Variants in PHB2 observed in about 807,000 individuals in gnomAD.
The protein encoded by PHB2 is prohibitin 2.
In PHB2, 22 loss-of-function variants were observed where a neutral mutation model predicts 46.4. The ratio of observed to expected loss-of-function variants is 0.47; its 90% CI spans 0.34 to 0.68. PHB2 has a LOEUF of 0.68. Ranked by LOEUF, PHB2 falls within the 30% of genes least tolerant of loss-of-function variation. PHB2 has a pLI of 0.01. For synonymous variants in PHB2, 156 were observed against 150.5 expected, an observed-to-expected ratio of 1.04 and a Z score of -0.27; for missense variants, 305 against 382.8, an observed-to-expected ratio of 0.80 and a Z score of 1.70.
chr12:6,969,836 T>C (rs1187316943), intron 2 of PHB2: 87 of 511,588 alleles, frequency 1.7e-4, no homozygotes, highest in African/African-American at 3.9e-4. Flanking sequence ...GAGGCGGAGG[T>C]TGCAGTGAGC....
In PHB2 at chr12:6,967,090, A is replaced by C; in HGVS notation, c.789+81T>G. On this transcript the variant is annotated intron_variant, in intron 7 of 9. Transcript: ENST00000535923. The surrounding 1 kb of genome is among the most constrained non-coding windows in gnomAD (Gnocchi z 4.9). ...TAGAAACCGGAACAAGCAAGGTTCG[A>C]ATTCCCTCACCTCAATGTGCCTTAA... The C allele has an allele frequency of 8.5e-7, 1 of 1,170,060 alleles. No homozygotes were observed. Among genetic ancestry groups the C allele is most frequent in the Non-Finnish European group, 1.2e-6 (1 of 803,150 alleles). 72.5% of individuals were successfully genotyped at this position (1,170,060 alleles called of 1,614,324 possible). A position where few individuals can be genotyped will look rare whatever the true frequency, so the allele number is the denominator to read the frequency against.
intron 2 of PHB2, 106 bp downstream of exon 2, chr12:6,970,090 G>A (rs1946294170): frequency 1.2e-6 from 1 of 866,054 alleles, no homozygotes. Flanking sequence ...GATGAGGAGG[G>A]TGGGAAAAGA....
At chr12:6,968,643 C>T (rs782414137) in intron 3 of PHB2, 48 bp from the exon 4 acceptor site, 1 of 1,470,922 alleles carries the variant, frequency 6.8e-7, no homozygotes, top group African/African-American at 1.4e-5. Flanking sequence ...CACCCTTTCC[C>T]AAGCATTTTC....
In PHB2 at chr12:6,967,480, T is replaced by C; in HGVS notation, c.711+196A>G. The C allele has an allele frequency of 1.0e-6, 1 of 988,460 alleles. No homozygotes were observed. Among genetic ancestry groups the C allele is most frequent in the Non-Finnish European group, 1.6e-6 (1 of 621,384 alleles). 61.2% of individuals were successfully genotyped at this position (988,460 alleles called of 1,614,324 possible). A position where few individuals can be genotyped will look rare whatever the true frequency, so the allele number is the denominator to read the frequency against. ...GCCACCAATGCTATTGATCTGGCCT[T>C]ACAGTGGGGAGTCATGGCTCAGGTA... On this transcript the variant is annotated intron_variant, in intron 6 of 9. Transcript: ENST00000535923. This position sits in a 1 kb window ranked among gnomAD's most constrained non-coding sequence, Gnocchi z 4.9.
chr12:6,970,036 A>G lies in PHB2; in HGVS notation c.212+160T>C, dbSNP rs1555151717. The G allele has an allele frequency of 5.6e-6, 4 of 712,402 alleles. No homozygotes were observed. In the African/African-American group the frequency reaches 7.0e-5, roughly 12 times the overall value. The allele number at this position is 712,402 out of a possible 1,614,324, so 44.1% of individuals were successfully genotyped here. ...GTCCCTCTGGAAAACAACAGTTTGT[A>G]TGCTGCTGGAGGTTCTCGCAGCACC... On this transcript the variant is annotated intron_variant, in intron 2 of 9. Coordinates refer to ENST00000535923, the MANE Select transcript of PHB2 (RefSeq NM_001144831.2).
chr12:6,968,523 T>C lies in PHB2; in HGVS notation c.365A>G (p.Gln122Arg). 1 of 1,613,490 alleles carries C rather than the reference T, an allele frequency of 6.2e-7. No homozygotes were observed. The highest frequency in any genetic ancestry group is 1.3e-5 in the African/African-American group (1 of 75,026). Residue 122 changes from glutamine (Q) to arginine (R), a missense_variant, in exon 4 of 10, where the codon CAG (glutamine) becomes CGG (arginine). Transcript: ENST00000535923. ...PNAQELPSMY[Q>R]RLGLDYEERV... Reference sequence around the variant, plus strand: ...TTCCTCGTAGTCCAGCCCTAGGCGCTGGTACATGCTAGGAAGCTCCTGAGC... The same window carrying C: ...TTCCTCGTAGTCCAGCCCTAGGCGCCGGTACATGCTAGGAAGCTCCTGAGC...
At chr12:6,969,439 T>C in intron 3 of PHB2, 59 bp downstream of exon 3, 1 of 913,274 alleles carries the variant, frequency 1.1e-6, no homozygotes, top group Non-Finnish European at 1.7e-6. Flanking sequence ...CCCTGGGGTT[T>C]CTTGCCAGCT....
At chr12:6,970,339 G>A (rs1198415448) in intron 1 of PHB2, 59 bp from the exon 2 acceptor site, 17 of 1,603,990 alleles carry the variant, frequency 1.1e-5, no homozygotes, top group Non-Finnish European at 1.4e-5. Context: ...TGCTAGGCCC[G>A]TGGAGGGGCG....
At position 6,967,171 on chromosome 12, in the gene PHB2, C is replaced by T. The variant is rs1555150897; in HGVS notation, c.789G>A (p.Thr263=). 8 of 1,567,428 alleles carry T rather than the reference C, an allele frequency of 5.1e-6. No homozygotes were observed. The highest frequency in any genetic ancestry group is 1.9e-5 in the Admixed American group (1 of 52,630). ...AGAGACGCTGGGCTGACACACTCAC[C>T]GTCTTGGAGATATTCTGGGCTGCTC... ...KIRAAQNISK[T]IATSQNRIYL... is the part of the protein sequence containing the mutation. The change falls in exon 7 of 10, where the codon ACG becomes ACA. Residue 263 remains threonine, a splice_region_variant and synonymous_variant. Transcript: ENST00000535923. This position sits in a 1 kb window ranked among gnomAD's most constrained non-coding sequence, Gnocchi z 4.9.
At chr12:6,965,764 G>A (rs1428821257) in intron 9 of PHB2, 52 bp from the exon 10 acceptor site, 2 of 1,567,228 alleles carry the variant, frequency 1.3e-6, no homozygotes, top group Non-Finnish European at 1.8e-6. Context: ...ATAAATGTGA[G>A]AGGCAGGACA....
In PHB2 at chr12:6,967,411, G is replaced by A. The variant is rs1555150989; in HGVS notation, c.712-163C>T. The A allele has an allele frequency of 6.6e-7, 1 of 1,523,106 alleles. No individual in the cohort carries two copies. Among genetic ancestry groups the A allele is most frequent in the Non-Finnish European group, 9.1e-7 (1 of 1,103,176 alleles). 94.3% of individuals were successfully genotyped at this position (1,523,106 alleles called of 1,614,324 possible). Reference sequence around the variant, plus strand: ...GACCCCACCTGTGGGCCTCCCTGCAGGCTGCTGCCAGGAACTAGGGGCAGC... The same window carrying A: ...GACCCCACCTGTGGGCCTCCCTGCAAGCTGCTGCCAGGAACTAGGGGCAGC... On this transcript the variant is annotated intron_variant, in intron 6 of 9. Transcript: ENST00000535923. The surrounding 1 kb of genome is among the most constrained non-coding windows in gnomAD (Gnocchi z 4.9).
At position 6,968,398 on chromosome 12, in the gene PHB2, G is replaced by A; in HGVS notation, c.477+13C>T. On this transcript the variant is annotated intron_variant, in intron 4 of 9. Coordinates refer to ENST00000535923, the MANE Select transcript of PHB2 (RefSeq NM_001144831.2). ...AAAGGCTGACACCACGCAGATGGTGGTGGGAGTCAGACCTGGGCCCGCTGG... is the reference window on the plus strand; with the variant it reads ...AAAGGCTGACACCACGCAGATGGTGATGGGAGTCAGACCTGGGCCCGCTGG... 1 of 1,584,568 alleles carries A rather than the reference G, an allele frequency of 6.3e-7. No homozygotes were observed. The highest frequency in any genetic ancestry group is 1.1e-5 in the South Asian group (1 of 88,840).
Position 6,965,407 on chromosome 12 carries a change from C to T in PHB2, c.*278G>A, listed in dbSNP as rs1293584747. The T allele has an allele frequency of 3.8e-6, 2 of 526,976 alleles. No individual in the cohort carries two copies. The highest frequency in any genetic ancestry group is 6.9e-6 in the Non-Finnish European group (2 of 291,022). 32.6% of individuals were successfully genotyped at this position (526,976 alleles called of 1,614,324 possible). A position where few individuals can be genotyped will look rare whatever the true frequency, so the allele number is the denominator to read the frequency against. Reference sequence around the variant, plus strand: ...ATTCCTGGGTTGGTGTTTATCTCCTCCCAGCCTTGAGGGAGGGAACAACAC... The same window carrying T: ...ATTCCTGGGTTGGTGTTTATCTCCTTCCAGCCTTGAGGGAGGGAACAACAC... On this transcript the variant is annotated 3_prime_UTR_variant, in exon 10 of 10. Coordinates refer to ENST00000535923, the MANE Select transcript of PHB2 (RefSeq NM_001144831.2).
chr12:6,970,526 C>G lies in PHB2; in HGVS notation c.18G>C (p.Lys6Asn). 6.2e-7 allele frequency: 1 copy of G among 1,604,120 alleles called. No individual in the cohort carries two copies. The highest frequency in any genetic ancestry group is 8.5e-7 in the Non-Finnish European group (1 of 1,178,010). The change falls in exon 1 of 10, where the codon AAG (lysine) becomes AAC (asparagine). Residue 6 changes from lysine to asparagine, a missense_variant. Physicochemically the swap from Lys to Asn is moderately conservative, Grantham distance 94. Around this residue, in one of 3 missense-constraint regions of PHB2, gnomAD observed 60 missense variants for 61.0 expected, o/e 0.98. Coordinates refer to ENST00000535923, the MANE Select transcript of PHB2 (RefSeq NM_001144831.2). MAQNL[K>N]DLAGRLPAGP... ...CGGCGGGCAGCCGTCCCGCCAAGTCCTTCAAGTTCTGGGCCATGTCTGATC... is the reference window on the plus strand; with the variant it reads ...CGGCGGGCAGCCGTCCCGCCAAGTCGTTCAAGTTCTGGGCCATGTCTGATC...
intron 4 of PHB2, 81 bp downstream of exon 4, chr12:6,968,330 T>C (rs1367954008): frequency 6.7e-6 from 7 of 1,048,464 alleles, no homozygotes; most frequent in South Asian, 1.5e-5. Flanking sequence ...GCTTTTCTAA[T>C]AAGCTGCCTT....
At position 6,967,116 on chromosome 12, in the gene PHB2, C is replaced by T. The variant is rs1946225298; in HGVS notation, c.789+55G>A. ...ATTCCCTCACCTCAATGTGCCTTAA[C>T]TGAAAGCACTTTCTCAAGGCAGCCC... On this transcript the variant is annotated intron_variant, in intron 7 of 9. Transcript: ENST00000535923. This position sits in a 1 kb window ranked among gnomAD's most constrained non-coding sequence, Gnocchi z 4.9. 2.1e-6 allele frequency: 3 copies of T among 1,413,868 alleles called. No individual in the cohort carries two copies. Among genetic ancestry groups the T allele is most frequent in the Non-Finnish European group, 2.9e-6 (3 of 1,023,026 alleles). 87.6% of individuals were successfully genotyped at this position (1,413,868 alleles called of 1,614,324 possible). A position where few individuals can be genotyped will look rare whatever the true frequency, so the allele number is the denominator to read the frequency against.
chr12:6,969,717 T>A (rs1555151646), intron 2 of PHB2, 140 bp from the exon 3 acceptor site: 4 of 603,004 alleles, frequency 6.6e-6, no homozygotes, highest in South Asian at 3.7e-5. Context: ...TTGATCTACA[T>A]AGTGAAACCC....
Position 6,970,482 on chromosome 12 carries a change from G to C in PHB2, c.62C>G (p.Thr21Arg). 4 of 1,605,678 alleles carry C rather than the reference G, an allele frequency of 2.5e-6. No individual in the cohort carries two copies. The highest frequency in any genetic ancestry group is 3.4e-6 in the Non-Finnish European group (4 of 1,179,020). ...GGCCCCCAGCAACAGCTTCAGGGCCGTGCCCATGCCCCGGGGCCCGGCGGG... is the reference window on the plus strand; with the variant it reads ...GGCCCCCAGCAACAGCTTCAGGGCCCTGCCCATGCCCCGGGGCCCGGCGGG... ...RLPAGPRGMG[T>R]ALKLLLGAGA... Residue 21 changes from threonine to arginine, a missense_variant, in exon 1 of 10, where the codon ACG becomes AGG. Physicochemically the swap from Thr to Arg is moderately conservative, Grantham distance 71. This residue lies in a region of PHB2 where 60 missense variants were observed against 61.0 expected (regional missense o/e 0.98). Coordinates refer to ENST00000535923, the MANE Select transcript of PHB2 (RefSeq NM_001144831.2).
In PHB2 at chr12:6,968,516, T is replaced by C. The variant is rs1208225049; in HGVS notation, c.372A>G (p.Leu124=). 2 of 1,613,210 alleles carry C rather than the reference T, an allele frequency of 1.2e-6. No homozygotes were observed. The highest frequency in any genetic ancestry group is 1.7e-6 in the Non-Finnish European group (2 of 1,179,320). Reference sequence around the variant, plus strand: ...ACACTCGTTCCTCGTAGTCCAGCCCTAGGCGCTGGTACATGCTAGGAAGCT... The same window carrying C: ...ACACTCGTTCCTCGTAGTCCAGCCCCAGGCGCTGGTACATGCTAGGAAGCT... ...AQELPSMYQR[L]GLDYEERVLP... is the part of the protein sequence containing the mutation. The change falls in exon 4 of 10, where the codon CTA becomes CTG. Residue 124 remains leucine (L), a synonymous_variant. Coordinates refer to ENST00000535923, the MANE Select transcript of PHB2 (RefSeq NM_001144831.2).
Sources: gnomAD v4.1 joint callset for allele counts on GRCh38, gnomAD v4.1.1 for gene constraint, gnomAD v4.1.1 regional missense constraint, Gnocchi (gnomAD v3.1) non-coding constraint, MANE v1.5 for transcripts, NCBI Gene and HGNC (gene_info 2026-07-23, HGNC 2026-07-21) for gene names.